Variants in STX2 observed in about 807,000 individuals in gnomAD.
STX2 encodes syntaxin 2.
In STX2, 27 loss-of-function variants were observed where a neutral mutation model predicts 40.6. The observed-to-expected ratio is 0.66, with a 90% CI of 0.49 to 0.92. The LOEUF (loss-of-function observed/expected upper bound fraction) is 0.92. STX2 is among the 40% of genes least tolerant of loss of function. STX2 has a pLI of 0.00. For synonymous variants in STX2, 123 were observed against 119.1 expected (o/e 1.03, Z -0.22); for missense variants, 328 against 366.1 (o/e 0.90, Z 0.85).
chr12:130,819,831 C>T (rs985240845), intron 3 of STX2, among the ~76,000 whole-genome samples: 22 of 152,074 alleles, frequency 1.4e-4, no homozygotes, highest in African/African-American at 4.4e-4. Context: ...GGCTGGGCGA[C>T]GGCACGAAGA....
intron 2 of STX2, among the ~76,000 whole-genome samples, chr12:130,823,118 A>T (rs1181119280): frequency 6.6e-6 from 1 of 152,190 alleles, no homozygotes; most frequent in African/African-American, 2.4e-5. Flanking sequence ...CCTGGGCAAC[A>T]TAGAGAGACC....
intron 4 of STX2, 148 bp downstream of exon 4, chr12:130,812,809 G>C (rs1277028304): frequency 3.3e-6 from 2 of 600,604 alleles, no homozygotes; most frequent in East Asian, 6.2e-5. Context: ...ATATTAATTA[G>C]TACTCTGAAT....
chr12:130,813,112 G>T, intron 3 of STX2, 81 bp from the exon 4 acceptor site: 1 of 868,124 alleles, frequency 1.2e-6, no homozygotes, highest in Non-Finnish European at 1.6e-6. Flanking sequence ...ATAAATTTAA[G>T]TGAAACAGTA....
intron 3 of STX2, among the ~76,000 whole-genome samples, chr12:130,819,863 G>A (rs1380252186): frequency 1.3e-5 from 2 of 152,168 alleles, no homozygotes; most frequent in Non-Finnish European, 2.9e-5. Flanking sequence ...AGATCTGGCC[G>A]CAGGCAGCAC....
At chr12:130,809,636 G>A (rs1951571759) in intron 4 of STX2, among the ~76,000 whole-genome samples, 1 of 152,136 alleles carries the variant, frequency 6.6e-6, no homozygotes, top group Non-Finnish European at 1.5e-5. Flanking sequence ...GGCCAACATG[G>A]TGAAACCCTG....
Position 130,790,460 on chromosome 12 carries a change from C to T in STX2, c.*1563G>A, listed in dbSNP as rs1950850136. The T allele has an allele frequency of 1.3e-5, 2 of 152,190 alleles. No individual in the cohort carries two copies. The highest frequency in any genetic ancestry group is 4.8e-5 in the African/African-American group (2 of 41,440). 9.4% of individuals were successfully genotyped at this position (152,190 alleles called of 1,614,324 possible). On this transcript the variant is annotated 3_prime_UTR_variant, in exon 11 of 11. Transcript: ENST00000392373. ...ACTCCTTTAACATTCTGACTAGTGACTCTCTTAACAGATGTCCGCTCACCA... is the reference window on the plus strand; with the variant it reads ...ACTCCTTTAACATTCTGACTAGTGATTCTCTTAACAGATGTCCGCTCACCA...
intron 4 of STX2, among the ~76,000 whole-genome samples, chr12:130,808,936 G>A (rs966813986): frequency 1.3e-5 from 2 of 152,332 alleles, no homozygotes; most frequent in East Asian, 1.9e-4. Context: ...GCACAATCTC[G>A]TCTCACTGCA....
chr12:130,831,054 G>A (rs933462019), intron 1 of STX2, among the ~76,000 whole-genome samples: 10 of 152,328 alleles, frequency 6.6e-5, no homozygotes, highest in Non-Finnish European at 4.4e-5. Context: ...ACAGGTAGCA[G>A]GTAGCTTCCT....
chr12:130,795,861 G>T, intron 10 of STX2, 134 bp downstream of exon 10: 1 of 1,074,440 alleles, frequency 9.3e-7, no homozygotes, highest in Non-Finnish European at 1.3e-6. Context: ...ACAGGCAGAT[G>T]TATCACTAGA....
chr12:130,798,053 G>A (rs1951087138), intron 9 of STX2, among the ~76,000 whole-genome samples: 1 of 152,206 alleles, frequency 6.6e-6, no homozygotes, highest in Non-Finnish European at 1.5e-5. Flanking sequence ...TTCAAGACCA[G>A]CCTGGCCAAC....
chr12:130,817,748 G>C (rs906748641), intron 3 of STX2, among the ~76,000 whole-genome samples: 2 of 152,026 alleles, frequency 1.3e-5, no homozygotes, highest in Admixed American at 1.3e-4. Flanking sequence ...AAAGACACTG[G>C]AAAAATATGT....
intron 8 of STX2, among the ~76,000 whole-genome samples, chr12:130,800,667 T>C (rs71451379): frequency 0.2 from 30,641 of 152,306 alleles, 3,816 homozygotes; most frequent in East Asian, 0.3. Context: ...TAAATACTTT[T>C]AGAGAAGATT....
chr12:130,834,936 T>C (rs555436969), intron 1 of STX2, among the ~76,000 whole-genome samples: 1 of 152,348 alleles, frequency 6.6e-6, no homozygotes, highest in Admixed American at 6.5e-5. Flanking sequence ...TGGACAAACA[T>C]GAGCTGTCAA....
chr12:130,798,267 AAG>A, intron 9 of STX2: 5 of 244,364 alleles, frequency 2.0e-5, no homozygotes, highest in Non-Finnish European at 3.1e-5. Flanking sequence ...AAAAAAAAAA[AAG>A]TGCTGGGATT....
intron 2 of STX2, among the ~76,000 whole-genome samples, chr12:130,822,778 T>A (rs1952163108): frequency 6.6e-6 from 1 of 152,192 alleles, no homozygotes; most frequent in Admixed American, 6.5e-5. Flanking sequence ...TGCCAGAGGC[T>A]GCAATGTGTG....
intron 9 of STX2, among the ~76,000 whole-genome samples, chr12:130,797,875 A>T (rs1424546655): frequency 6.6e-6 from 1 of 152,230 alleles, no homozygotes; most frequent in Non-Finnish European, 1.5e-5. Flanking sequence ...GGTCTCAAAT[A>T]ATTCTCTTCT....
chr12:130,831,510 A>G (rs1952555648), intron 1 of STX2, among the ~76,000 whole-genome samples: 1 of 152,142 alleles, frequency 6.6e-6, no homozygotes, highest in African/African-American at 2.4e-5. Context: ...GGTACAAAAA[A>G]TACAAAAATT....
At chr12:130,814,114 C>T (rs910934788) in intron 3 of STX2, among the ~76,000 whole-genome samples, 6 of 152,250 alleles carry the variant, frequency 3.9e-5, no homozygotes, top group Admixed American at 6.5e-5. Context: ...CAGCCTGGCT[C>T]GTCCAGGGTT....
chr12:130,817,282 G>A (rs562783833), intron 3 of STX2, among the ~76,000 whole-genome samples: 3 of 152,308 alleles, frequency 2.0e-5, no homozygotes, highest in Non-Finnish European at 4.4e-5. Flanking sequence ...AAGGAACCAA[G>A]TGGAATTCTA....
Sources: allele counts gnomAD v4.1 joint callset (sites outside exome capture counted in the v4.1 genomes callset), GRCh38; gene constraint gnomAD v4.1.1; transcripts MANE v1.5; gene names NCBI Gene and HGNC (gene_info 2026-07-23, HGNC 2026-07-21).